Variants in PRPF8 observed in about 807,000 individuals in gnomAD.
PRPF8 encodes the protein pre-mRNA-processing-splicing factor 8.
PRPF8 carries 64 observed loss-of-function variants against 285.9 expected under a neutral mutation model. That is an observed-to-expected ratio of 0.22 (90% CI 0.18 to 0.28). The LOEUF is 0.28. Ranked by LOEUF, PRPF8 falls within the 10% of genes least tolerant of loss-of-function variation. The probability of loss-of-function intolerance (pLI) is 1.00; values close to 1 mark genes in which losing one functional copy is unlikely to be tolerated. For synonymous variants in PRPF8, 1,325 were observed against 1,118.2 expected, an observed-to-expected ratio of 1.18 and a Z score of -3.69; for missense variants, 1,426 against 3,026.7, an observed-to-expected ratio of 0.47 and a Z score of 12.41.
At chr17:1,669,502 C>CA (rs1384948655) in intron 24 of PRPF8, among the ~76,000 whole-genome samples, 1 of 152,202 alleles carries the variant, frequency 6.6e-6, no homozygotes, top group Admixed American at 6.5e-5. Flanking sequence ...CACTGACTTA[C>CA]AGCTCCCTCT....
At chr17:1,674,341 C>A in intron 21 of PRPF8, 101 bp downstream of exon 21, 2 of 1,241,208 alleles carry the variant, frequency 1.6e-6, no homozygotes, top group East Asian at 4.6e-5. Flanking sequence ...CATTTTAAAG[C>A]CCCAACAGCA....
In PRPF8 at chr17:1,679,889, C is replaced by G; in HGVS notation, c.1099-90G>C. 8 of 1,450,880 alleles carry G rather than the reference C, an allele frequency of 5.5e-6. 1 individual carries two copies. In the South Asian group the frequency reaches 8.0e-5, roughly 14 times the overall value. 89.9% of individuals were successfully genotyped at this position (1,450,880 alleles called of 1,614,324 possible). On this transcript the variant is annotated intron_variant, in intron 8 of 42. Coordinates refer to ENST00000304992, the MANE Select transcript of PRPF8 (RefSeq NM_006445.4). This position sits in a 1 kb window ranked among gnomAD's most constrained non-coding sequence, Gnocchi z 4.7. Reference sequence around the variant, plus strand: ...AAATTCTCTGGGGCCAAGCACAAAGCCTGTATCTGCTATGGAAACTGGGCT... The same window carrying G: ...AAATTCTCTGGGGCCAAGCACAAAGGCTGTATCTGCTATGGAAACTGGGCT...
At position 1,658,303 on chromosome 17, in the gene PRPF8, G is replaced by C; in HGVS notation, c.5455C>G (p.Leu1819Val). ...IFNPRTGQLF[L>V]KIIHTSVWAG... ...CACACGGACGTGTGGATTATCTTGA[G>C]GAACAGCTGCCCTGTGCGTGGGTTG... The change falls in exon 34 of 43, where the codon CTC becomes GTC. Residue 1819 changes from leucine to valine, a missense_variant. Physicochemically the swap from Leu to Val is conservative, Grantham distance 32. Around this residue, in one of 34 missense-constraint regions of PRPF8, gnomAD observed 19 missense variants for 92.8 expected, o/e 0.20. Transcript: ENST00000304992. The surrounding 1 kb of genome is among the most constrained non-coding windows in gnomAD (Gnocchi z 4.1). 1 of 1,614,200 alleles carries C rather than the reference G, an allele frequency of 6.2e-7. No homozygotes were observed. Among genetic ancestry groups the C allele is most frequent in the Non-Finnish European group, 8.5e-7 (1 of 1,180,040 alleles).
At chr17:1,665,159 C>CAAAAAAAAAAAAA (rs562789942) in intron 24 of PRPF8, among the ~76,000 whole-genome samples, 1 of 53,510 alleles carries the variant, frequency 1.9e-5, no homozygotes, top group African/African-American at 6.1e-5. Flanking sequence ...GACTCTGCCT[C>CAAAAAAAAAAAAA]AAAAAAAAAA....
intron 24 of PRPF8, among the ~76,000 whole-genome samples, chr17:1,665,009 A>C (rs1038353862): frequency 6.6e-6 from 1 of 151,558 alleles, no homozygotes; most frequent in Non-Finnish European, 1.5e-5. Flanking sequence ...TACAAAAAAA[A>C]ATTAGCTGGG....
Position 1,651,784 on chromosome 17 carries a change from G to A in PRPF8, c.6374C>T (p.Ala2125Val). ...ICISDLRAQI[A>V]GYLYGVSPPD... is the part of the protein sequence containing the mutation. ...TGGGCTCACCCCATATAGGTATCCT[G>A]CAATCTGGAGACAAAGGGGTCAGGA... The change falls in exon 40 of 43, where the codon GCA becomes GTA. Residue 2125 changes from alanine (A) to valine (V), a missense_variant. Physicochemically the swap from Ala to Val is moderately conservative, Grantham distance 64 (BLOSUM62 0). Coordinates refer to ENST00000304992, the MANE Select transcript of PRPF8 (RefSeq NM_006445.4). This position sits in a 1 kb window ranked among gnomAD's most constrained non-coding sequence, Gnocchi z 5.1. 6.2e-7 allele frequency: 1 copy of A among 1,614,096 alleles called. No homozygotes were observed. Among genetic ancestry groups the A allele is most frequent in the Non-Finnish European group, 8.5e-7 (1 of 1,179,998 alleles).
At position 1,655,447 on chromosome 17, in the gene PRPF8, G is replaced by C; in HGVS notation, c.5890C>G (p.Pro1964Ala). The part of the protein sequence containing the change: ...LKPDKTTITE[P>A]HHIWPTLTDE... ...GTCAGAGTGGGCCAGATGTGGTGTG[G>C]TTCTGTAATAGTAGTCTTGTCTGGC... Residue 1964 changes from proline (P) to alanine (A), a missense_variant, in exon 37 of 43, where the codon CCA becomes GCA. By Grantham distance (27) the Pro-to-Ala change is conservative (BLOSUM62 -1). Coordinates refer to ENST00000304992, the MANE Select transcript of PRPF8 (RefSeq NM_006445.4). 6.2e-7 allele frequency: 1 copy of C among 1,614,088 alleles called. No homozygotes were observed. The highest frequency in any genetic ancestry group is 8.5e-7 in the Non-Finnish European group (1 of 1,180,014).
In PRPF8 at chr17:1,655,557, T is replaced by G; in HGVS notation, c.5794-14A>C. ...ACGGGAGAAGGCCTGGGAAAAGATT[T>G]GGAAGAGTGGGGTAGGTCAGCTGCT... On this transcript the variant is annotated splice_polypyrimidine_tract_variant and intron_variant, in intron 36 of 42. Transcript: ENST00000304992. 1 of 1,601,210 alleles carries G rather than the reference T, an allele frequency of 6.2e-7. No homozygotes were observed. The highest frequency in any genetic ancestry group is 8.6e-7 in the Non-Finnish European group (1 of 1,168,248).
chr17:1,679,732 T>C lies in PRPF8; in HGVS notation c.1166A>G (p.Lys389Arg). 5 of 1,614,150 alleles carry C rather than the reference T, an allele frequency of 3.1e-6. No individual in the cohort carries two copies. The highest frequency in any genetic ancestry group is 4.2e-6 in the Non-Finnish European group (5 of 1,180,032). Residue 389 changes from lysine to arginine, a missense_variant, in exon 9 of 43, where the codon AAG becomes AGG. This residue lies in a region of PRPF8 where 137 missense variants were observed against 161.2 expected (regional missense o/e 0.85). Coordinates refer to ENST00000304992, the MANE Select transcript of PRPF8 (RefSeq NM_006445.4). The surrounding 1 kb of genome is among the most constrained non-coding windows in gnomAD (Gnocchi z 4.7). Reference sequence around the variant, plus strand: ...ATTGTCTGTATAGAGGGGTGTGTCCTTCAGGAAGGGCTCCACAAACTCCGG... The same window carrying C: ...ATTGTCTGTATAGAGGGGTGTGTCCCTCAGGAAGGGCTCCACAAACTCCGG... ...ELPEFVEPFL[K>R]DTPLYTDNTA...
At chr17:1,665,572 G>A (rs1271860630) in intron 24 of PRPF8, among the ~76,000 whole-genome samples, 3 of 151,444 alleles carry the variant, frequency 2.0e-5, no homozygotes, top group East Asian at 1.9e-4. Flanking sequence ...AGCTGGGCAC[G>A]GTGGCTCACG....
In PRPF8 at chr17:1,681,403, T is replaced by C. The variant is rs1415871277; in HGVS notation, c.866+75A>G. 4.1e-6 allele frequency: 6 copies of C among 1,452,508 alleles called. No individual in the cohort carries two copies. In the African/African-American group the frequency reaches 4.2e-5, roughly 10 times the overall value. 90.0% of individuals were successfully genotyped at this position (1,452,508 alleles called of 1,614,324 possible). ...TGTAAACAGACTAATTTGGAAGTTATATCAGGACTTTAAGGATCAAGATTA... is the reference window on the plus strand; with the variant it reads ...TGTAAACAGACTAATTTGGAAGTTACATCAGGACTTTAAGGATCAAGATTA... On this transcript the variant is annotated intron_variant, in intron 6 of 42. Coordinates refer to ENST00000304992, the MANE Select transcript of PRPF8 (RefSeq NM_006445.4).
Position 1,651,147 on chromosome 17 carries a change from TGAA to T in PRPF8, c.6811_6813del (p.Phe2271del). On this transcript the variant is annotated inframe_deletion, in exon 42 of 43. Transcript: ENST00000304992. This position sits in a 1 kb window ranked among gnomAD's most constrained non-coding sequence, Gnocchi z 5.1. ...TTCCACGAGGACTGGGCAGGGACCA[TGAA>T]GAAGCCAAGGAAACGGTCCGACAGC... 1.2e-6 allele frequency: 2 copies of T among 1,614,126 alleles called. No homozygotes were observed. The highest frequency in any genetic ancestry group is 8.5e-7 in the Non-Finnish European group (1 of 1,180,014).
At position 1,673,023 on chromosome 17, in the gene PRPF8, T is replaced by G. The variant is rs1912409368; in HGVS notation, c.3774+58A>C. 3 of 1,497,176 alleles carry G rather than the reference T, an allele frequency of 2.0e-6. No individual in the cohort carries two copies. The highest frequency in any genetic ancestry group is 2.8e-6 in the Non-Finnish European group (3 of 1,073,612). The allele number at this position is 1,497,176 out of a possible 1,614,324, so 92.7% of individuals were successfully genotyped here. ...AGCAGGGGACGAAGTGAAAGGGGTG[T>G]GAAATGAGCAGAGGACAGCAGAGGA... On this transcript the variant is annotated intron_variant, in intron 24 of 42. Transcript: ENST00000304992. The surrounding 1 kb of genome is among the most constrained non-coding windows in gnomAD (Gnocchi z 5.5).
chr17:1,681,870 G>A lies in PRPF8; in HGVS notation c.603C>T (p.Ala201=), dbSNP rs148215037. The change falls in exon 5 of 43, where the codon GCC becomes GCT. Residue 201 remains alanine (A), a synonymous_variant. Coordinates refer to ENST00000304992, the MANE Select transcript of PRPF8 (RefSeq NM_006445.4). ...IQLELDPEED[A]PVLDWFYDHQ... Reference sequence around the variant, plus strand: ...GGTCATAGAACCAGTCCAACACAGGGGCGTCCTCCTCAGGGTCCAGCTCTA... The same window carrying A: ...GGTCATAGAACCAGTCCAACACAGGAGCGTCCTCCTCAGGGTCCAGCTCTA... 332 of 1,613,872 alleles carry A rather than the reference G, an allele frequency of 2.1e-4. 1 individual carries two copies. The highest frequency in any genetic ancestry group is 6.1e-4 in the South Asian group (56 of 91,058).
At position 1,674,468 on chromosome 17, in the gene PRPF8, G is replaced by A. The variant is rs764678343; in HGVS notation, c.3273C>T (p.Tyr1091=). 1 of 1,614,180 alleles carries A rather than the reference G, an allele frequency of 6.2e-7. No homozygotes were observed. The highest frequency in any genetic ancestry group is 1.1e-5 in the South Asian group (1 of 91,078). The change falls in exon 21 of 43, where the codon TAC becomes TAT. Residue 1091 remains tyrosine, a synonymous_variant. Coordinates refer to ENST00000304992, the MANE Select transcript of PRPF8 (RefSeq NM_006445.4). ...TGAAAAAAATATGGATGCGATCAAT[G>A]TATCTGCAGAAGAGACGGATGGGGT... ...AAHPIRLFCR[Y]IDRIHIFFRF... is the part of the protein sequence containing the mutation.
At chr17:1,666,195 T>G (rs1440113586) in intron 24 of PRPF8, among the ~76,000 whole-genome samples, 1 of 150,246 alleles carries the variant, frequency 6.7e-6, no homozygotes, top group Non-Finnish European at 1.5e-5. Flanking sequence ...GGTCCAAAAT[T>G]GATAATCTAA....
rs763308008 is a variant in PRPF8, at chr17:1,662,166, GA to G, written c.3775-14del. ...ACTTATTCACAATCTAAAGGTAGTAGAAAAAAAAGTAAATTACAGATGAGCC... is the reference window on the plus strand; with the variant it reads ...ACTTATTCACAATCTAAAGGTAGTAGAAAAAAAGTAAATTACAGATGAGCC... On this transcript the variant is annotated splice_polypyrimidine_tract_variant and intron_variant, in intron 24 of 42. Transcript: ENST00000304992. The G allele has an allele frequency of 1.1e-5, 18 of 1,613,790 alleles. No individual in the cohort carries two copies. The highest frequency in any genetic ancestry group is 1.0e-4 in the Admixed American group (6 of 59,994).
chr17:1,660,919 G>A (rs764046753), intron 28 of PRPF8, 74 bp downstream of exon 28: 52 of 1,612,330 alleles, frequency 3.2e-5, no homozygotes, highest in Middle Eastern at 2.1e-4. Context: ...AAACACCACA[G>A]GAAATCACAG....
chr17:1,675,567 T>C lies in PRPF8; in HGVS notation c.2872+53A>G, dbSNP rs368239888. The C allele has an allele frequency of 5.6e-5, 90 of 1,608,892 alleles. 1 individual carries two copies. The East Asian group carries it at 1.7e-3, about 31-fold the overall frequency. On this transcript the variant is annotated intron_variant, in intron 19 of 42. Transcript: ENST00000304992. The surrounding 1 kb of genome is among the most constrained non-coding windows in gnomAD (Gnocchi z 6.0). The stretch of plus-strand genomic sequence containing the variant: ...TGCTACCCAGATGAGATTTTTGACG[T>C]AGAACTAAATTCCTGCCCCGTTCCT...
Sources: allele counts gnomAD v4.1 joint callset (sites outside exome capture counted in the v4.1 genomes callset), GRCh38; gene constraint gnomAD v4.1.1; regional missense constraint gnomAD v4.1.1; non-coding constraint Gnocchi (gnomAD v3.1); transcripts MANE v1.5; gene names NCBI Gene and HGNC (gene_info 2026-07-23, HGNC 2026-07-21).